The following FOXN1 variants were observed in gnomAD, a reference collection of about 807,000 sequenced individuals.
FOXN1 encodes forkhead box protein N1.
In FOXN1, 15 loss-of-function variants were observed where a neutral mutation model predicts 49.0. That is an observed-to-expected ratio of 0.31 (90% confidence interval 0.20 to 0.47). The LOEUF is 0.47. Among genes scored for constraint, FOXN1 ranks in the 20% least tolerant of loss-of-function variants. The pLI is 1.00. For missense variants in FOXN1, 800 were observed against 842.8 expected (o/e 0.95, Z 0.63); for synonymous variants, 356 against 369.0 (o/e 0.96, Z 0.40).
chr17:28,535,900 ACT>A (rs1039727691), intron 8 of FOXN1, among the ~76,000 whole-genome samples: 15 of 152,072 alleles, frequency 9.9e-5, no homozygotes, highest in African/African-American at 3.6e-4. Context: ...AAGGAGAGAG[ACT>A]CTACCCTAGA....
At chr17:28,532,071 T>A (rs2069928157) in intron 6 of FOXN1, among the ~76,000 whole-genome samples, 2 of 151,992 alleles carry the variant, frequency 1.3e-5, no homozygotes, top group South Asian at 4.1e-4. Context: ...CCCCTAAAGC[T>A]TTTGGAGGGT....
At chr17:28,514,603 G>A (rs960920895) in intron 1 of FOXN1, among the ~76,000 whole-genome samples, 30 of 152,156 alleles carry the variant, frequency 2.0e-4, no homozygotes, top group African/African-American at 3.6e-4. Flanking sequence ...GCAGCCTGTC[G>A]GGTGGAGCCC....
At chr17:28,510,656 G>A (rs1178738804) in intron 1 of FOXN1, among the ~76,000 whole-genome samples, 1 of 151,558 alleles carries the variant, frequency 6.6e-6, no homozygotes, top group Non-Finnish European at 1.5e-5. Flanking sequence ...TCTGCACTTA[G>A]CACCCCTCCT....
rs767448645 is a variant in FOXN1 at position 28,537,206 on chromosome 17, C to A, written c.1717C>A (p.Pro573Thr). The change falls in exon 9 of 9, where the codon CCA (proline) becomes ACA (threonine). Residue 573 changes from proline (P) to threonine (T), a missense_variant. This residue lies in a region of FOXN1 where 344 missense variants were observed against 366.1 expected (regional missense o/e 0.94). Transcript: ENST00000579795. ...TSSPTSSSMP[P>T]PQPPPHCFPP... ...ATCCCCGACATCATCTTCGATGCCA[C>A]CACCCCAGCCACCACCTCACTGCTT... 4 of 1,613,746 alleles carry A rather than the reference C, an allele frequency of 2.5e-6. No individual in the cohort carries two copies. In the African/African-American group the frequency reaches 5.3e-5, roughly 22 times the overall value.
At chr17:28,530,014 TAA>T (rs59048773) in intron 5 of FOXN1, among the ~76,000 whole-genome samples, 13,144 of 128,844 alleles carry the variant, frequency 0.1, 783 homozygotes, top group East Asian at 0.24. Flanking sequence ...TATTCCTCTT[TAA>T]AAAAAAAAAA....
intron 1 of FOXN1, among the ~76,000 whole-genome samples, chr17:28,515,692 T>C (rs1029366310): frequency 1.3e-5 from 2 of 149,924 alleles, no homozygotes; most frequent in African/African-American, 4.9e-5. Flanking sequence ...TTGGTGAATA[T>C]ACCTCCACAG....
chr17:28,527,041 GGGACTGCT>G (rs60114468), intron 3 of FOXN1, among the ~76,000 whole-genome samples: 4,178 of 152,284 alleles, frequency 0.027, 179 homozygotes, highest in African/African-American at 0.095. Flanking sequence ...GGGAGGCGTA[GGGACTGCT>G]GTCAGTTCCA....
At chr17:28,521,619 C>T (rs1479824086) in intron 1 of FOXN1, among the ~76,000 whole-genome samples, 3 of 152,230 alleles carry the variant, frequency 2.0e-5, no homozygotes, top group African/African-American at 4.8e-5. Context: ...AGTGAGCAGG[C>T]GCCAGGACAT....
In FOXN1 at chr17:28,531,343, C is replaced by T. The variant is rs139860068; in HGVS notation, c.927+498C>T. On this transcript the variant is annotated intron_variant, in intron 6 of 8. Transcript: ENST00000579795. ...GCTCAGCTGCAGTTCTGCCAGAAAGCGGGGTGTGGGCTTCCCAGTCTTTGA... is the reference window on the plus strand; with the variant it reads ...GCTCAGCTGCAGTTCTGCCAGAAAGTGGGGTGTGGGCTTCCCAGTCTTTGA... Among the ~76,000 whole-genome samples the T allele has an allele frequency of 8.1e-3, 1,240 of 152,244 alleles. 19 individuals carry two copies. Among genetic ancestry groups the T allele is most frequent in the Middle Eastern group, 0.024 (7 of 294 alleles).
intron 6 of FOXN1, among the ~76,000 whole-genome samples, chr17:28,532,835 C>T (rs926970756): frequency 3.9e-5 from 6 of 152,190 alleles, no homozygotes; most frequent in Non-Finnish European, 5.9e-5. Flanking sequence ...GGGGTGGGGG[C>T]TGCCCTGGCA....
intron 5 of FOXN1, among the ~76,000 whole-genome samples, chr17:28,529,932 G>T (rs1432488343): frequency 6.6e-6 from 1 of 151,494 alleles, no homozygotes; most frequent in Admixed American, 6.6e-5. Flanking sequence ...GCAGAAATGA[G>T]TTCAAGACCA....
Position 28,537,556 on chromosome 17 carries a change from A to C in FOXN1, c.*120A>C. The stretch of plus-strand genomic sequence containing the variant: ...AATACTACCTGTCCCCTATGCCACT[A>C]AGCCAACGTGTGTGTCAGCTGGTAG... On this transcript the variant is annotated 3_prime_UTR_variant, in exon 9 of 9. Transcript: ENST00000579795. 1 of 784,800 alleles carries C rather than the reference A, an allele frequency of 1.3e-6. No individual in the cohort carries two copies. The highest frequency in any genetic ancestry group is 2.2e-6 in the Non-Finnish European group (1 of 459,256). 48.6% of individuals were successfully genotyped at this position (784,800 alleles called of 1,614,324 possible).
intron 1 of FOXN1, among the ~76,000 whole-genome samples, chr17:28,516,842 C>T (rs2069517604): frequency 1.5e-5 from 1 of 66,518 alleles, no homozygotes; most frequent in Non-Finnish European, 3.6e-5. Context: ...CCACAGGGTA[C>T]ACACCTCCAC....
chr17:28,509,392 TCCCA>T, intron 1 of FOXN1, among the ~76,000 whole-genome samples: 1 of 147,958 alleles, frequency 6.8e-6, no homozygotes, highest in South Asian at 2.2e-4. Context: ...ATCTCCTCAC[TCCCA>T]CCTCCAACCA....
At chr17:28,515,736 C>A (rs1257692031) in intron 1 of FOXN1, among the ~76,000 whole-genome samples, 2 of 151,732 alleles carry the variant, frequency 1.3e-5, no homozygotes, top group Non-Finnish European at 2.9e-5. Flanking sequence ...CACCCCTCCA[C>A]AAGTATACAC....
chr17:28,522,353 T>C (rs924707050), intron 1 of FOXN1, among the ~76,000 whole-genome samples: 7 of 152,070 alleles, frequency 4.6e-5, no homozygotes, highest in African/African-American at 1.7e-4. Flanking sequence ...AAGCTGAGGA[T>C]AGTAAGAGTG....
At position 28,537,389 on chromosome 17, in the gene FOXN1, C is replaced by T. The variant is rs1221726877; in HGVS notation, c.1900C>T (p.Pro634Ser). 26 of 1,613,068 alleles carry T rather than the reference C, an allele frequency of 1.6e-5. No homozygotes were observed. The Admixed American group carries it at 3.0e-4, about 19-fold the overall frequency. Residue 634 changes from proline to serine, a missense_variant, in exon 9 of 9, where the codon CCC becomes TCC. Around this residue, in one of 3 missense-constraint regions of FOXN1, gnomAD observed 344 missense variants for 366.1 expected, o/e 0.94. Coordinates refer to ENST00000579795, the MANE Select transcript of FOXN1 (RefSeq NM_001369369.1). Reference protein sequence around the residue: ...EPTPPTAPAGPSVYLSPSSKP... With the variant: ...EPTPPTAPAGSSVYLSPSSKP... ...CACGCCCCCCACGGCCCCTGCAGGCCCCTCTGTGTACCTCAGCCCCAGCTC... is the reference window on the plus strand; with the variant it reads ...CACGCCCCCCACGGCCCCTGCAGGCTCCTCTGTGTACCTCAGCCCCAGCTC...
Position 28,524,943 on chromosome 17 carries a change from C to G in FOXN1, c.564C>G (p.Ser188Arg), listed in dbSNP as rs1399072173. The change falls in exon 3 of 9, where the codon AGC (serine) becomes AGG (arginine). Residue 188 changes from serine (S) to arginine (R), a missense_variant. Ser to Arg is a moderately radical substitution (Grantham distance 110). Around this residue, in one of 3 missense-constraint regions of FOXN1, gnomAD observed 383 missense variants for 357.9 expected, o/e 1.07. Transcript: ENST00000579795. ...GGTGTAACGGGCTCCCCTACCCCAGCCAGGAGCATGGCCCCCAAGTCCTGG... is the reference window on the plus strand; with the variant it reads ...GGTGTAACGGGCTCCCCTACCCCAGGCAGGAGCATGGCCCCCAAGTCCTGG... ...EAWCNGLPYP[S>R]QEHGPQVLGS... The G allele has an allele frequency of 4.3e-6, 7 of 1,611,424 alleles. No individual in the cohort carries two copies. In the South Asian group the frequency reaches 7.7e-5, roughly 18 times the overall value.
chr17:28,512,697 C>G (rs913544778), intron 1 of FOXN1, among the ~76,000 whole-genome samples: 1 of 152,208 alleles, frequency 6.6e-6, no homozygotes, highest in African/African-American at 2.4e-5. Context: ...TCCCCTCCCC[C>G]ACTAACCTTG....
Sources: allele counts gnomAD v4.1 joint callset (sites outside exome capture counted in the v4.1 genomes callset), GRCh38; gene constraint gnomAD v4.1.1; regional missense constraint gnomAD v4.1.1; transcripts MANE v1.5; gene names NCBI Gene and HGNC (gene_info 2026-07-23, HGNC 2026-07-21).